CDH11: variants seen among roughly 807,000 people sequenced by gnomAD.
CDH11 encodes cadherin-11.
CDH11 carries 11 observed loss-of-function variants against 67.8 expected under a neutral mutation model. The observed-to-expected ratio is 0.16, with a 90% confidence interval of 0.10 to 0.27. The LOEUF (loss-of-function observed/expected upper bound fraction) is 0.27, where lower values mean the gene tolerates loss of function less well. Ranked by LOEUF, CDH11 falls within the 10% of genes least tolerant of loss-of-function variation. The pLI, the probability that CDH11 is intolerant of heterozygous loss-of-function variation, is 1.00. For synonymous variants in CDH11, 419 were observed against 400.0 expected (o/e 1.05, Z -0.57); for missense variants, 847 against 1,031.2 (o/e 0.82, Z 2.45).
chr16:65,120,837 C>T (rs531343344), intron 1 of CDH11, among the ~76,000 whole-genome samples: 8 of 152,286 alleles, frequency 5.3e-5, no homozygotes, highest in Non-Finnish European at 1.2e-4. Context: ...CGCAAGCCTC[C>T]CCCGACCCCA....
At chr16:65,025,575 TTG>T (rs2073517268) in intron 2 of CDH11, among the ~76,000 whole-genome samples, 1 of 152,170 alleles carries the variant, frequency 6.6e-6, no homozygotes, top group African/African-American at 2.4e-5. Context: ...ACTCCTGATC[TTG>T]TGATCTACCC....
intron 1 of CDH11, among the ~76,000 whole-genome samples, chr16:65,097,227 G>T (rs1420575038): frequency 6.6e-6 from 1 of 152,156 alleles, no homozygotes; most frequent in Non-Finnish European, 1.5e-5. Context: ...TATACGTGTT[G>T]TAAAGAACAA....
At chr16:65,009,001 G>A (rs1235822598) in intron 2 of CDH11, among the ~76,000 whole-genome samples, 1 of 152,090 alleles carries the variant, frequency 6.6e-6, no homozygotes, top group East Asian at 1.9e-4. Flanking sequence ...TTACAGGCAA[G>A]TAGTCTGAGG....
At chr16:65,064,878 A>G (rs1221198573) in intron 1 of CDH11, among the ~76,000 whole-genome samples, 3 of 152,232 alleles carry the variant, frequency 2.0e-5, no homozygotes, top group African/African-American at 7.2e-5. Context: ...CAAAACCTGA[A>G]TGACTGAGAG....
chr16:65,065,901 A>G (rs896232706), intron 1 of CDH11, among the ~76,000 whole-genome samples: 6 of 152,240 alleles, frequency 3.9e-5, no homozygotes, highest in Non-Finnish European at 8.8e-5. Context: ...ATACTGTGCT[A>G]AAGTGGATTG....
At chr16:64,966,426 A>C (rs2142411570) in intron 11 of CDH11, among the ~76,000 whole-genome samples, 1 of 120,928 alleles carries the variant, frequency 8.3e-6, no homozygotes, top group East Asian at 3.1e-4. Context: ...GTAAAATAGT[A>C]ATAAAATAAA....
chr16:65,121,733 T>C lies in CDH11; in HGVS notation c.-298+147A>G. ...AACAAATCTCTCCCTCCCTTTTGCT[T>C]TGCGTTAGTGAAGCCTTCTCGACTC... On this transcript the variant is annotated intron_variant, in intron 1 of 12. Coordinates refer to ENST00000268603, the MANE Select transcript of CDH11 (RefSeq NM_001797.4). This position sits in a 1 kb window ranked among gnomAD's most constrained non-coding sequence, Gnocchi z 4.1. 1 of 673,914 alleles carries C rather than the reference T, an allele frequency of 1.5e-6. No homozygotes were observed. The highest frequency in any genetic ancestry group is 2.7e-6 in the Non-Finnish European group (1 of 373,568). The allele number at this position is 673,914 out of a possible 1,614,324, so 41.7% of individuals were successfully genotyped here.
intron 2 of CDH11, among the ~76,000 whole-genome samples, chr16:65,022,509 T>C (rs545108720): frequency 1.6e-4 from 24 of 152,304 alleles, no homozygotes; most frequent in Admixed American, 1.1e-3. Flanking sequence ...CTCCACTAAA[T>C]AGAAGTTTTT....
intron 11 of CDH11, among the ~76,000 whole-genome samples, chr16:64,961,078 G>A (rs958090495): frequency 1.3e-5 from 2 of 152,064 alleles, no homozygotes; most frequent in Admixed American, 1.3e-4. Context: ...CTTTTAGGAC[G>A]CTTCCTGGCA....
upstream of CDH11, chr16:65,122,422 G>A (rs2142908734): frequency 5.4e-6 from 1 of 183,554 alleles, no homozygotes; most frequent in South Asian, 9.7e-5. Context: ...GGCGGCGGAG[G>A]GAAGCTGGAG....
At chr16:65,099,548 G>A (rs2074955394) in intron 1 of CDH11, among the ~76,000 whole-genome samples, 1 of 152,096 alleles carries the variant, frequency 6.6e-6, no homozygotes, top group Non-Finnish European at 1.5e-5. Context: ...ATGATCTTAA[G>A]ACACAAAAGC....
At chr16:65,042,883 T>C (rs2073890164) in intron 2 of CDH11, among the ~76,000 whole-genome samples, 1 of 152,190 alleles carries the variant, frequency 6.6e-6, no homozygotes, top group Admixed American at 6.5e-5. Flanking sequence ...AAGTTCCTTG[T>C]AGCCCCAACT....
intron 1 of CDH11, among the ~76,000 whole-genome samples, chr16:65,084,645 G>A (rs2074666810): frequency 6.6e-6 from 1 of 152,168 alleles, no homozygotes; most frequent in Admixed American, 6.5e-5. Context: ...AGTATCTGAC[G>A]AGGTTTAAGA....
chr16:65,091,705 C>T (rs916874765), intron 1 of CDH11, among the ~76,000 whole-genome samples: 4 of 152,028 alleles, frequency 2.6e-5, no homozygotes, highest in African/African-American at 9.7e-5. Flanking sequence ...GCGCCCACCA[C>T]CACGCCCGGC....
intron 12 of CDH11, chr16:64,948,497 T>A: frequency 1.1e-6 from 1 of 913,164 alleles, no homozygotes; most frequent in East Asian, 2.4e-5. Context: ...GGTTTAAAAA[T>A]GAGGACATGC....
intron 2 of CDH11, among the ~76,000 whole-genome samples, chr16:65,047,725 TAA>T (rs1036721361): frequency 7.9e-5 from 12 of 152,186 alleles, no homozygotes; most frequent in African/African-American, 2.7e-4. Context: ...TAAGGATACA[TAA>T]AAATAAAAAC....
At position 65,121,374 on chromosome 16, in the gene CDH11, A is replaced by G. The variant is rs1185316831; in HGVS notation, c.-298+506T>C. ...CCGGCAGTCTCGACTGCAGGGACTA[A>G]GCCCCGGGGAGCTTTCGGCAGGGAT... On this transcript the variant is annotated intron_variant, in intron 1 of 12. Transcript: ENST00000268603. This position sits in a 1 kb window ranked among gnomAD's most constrained non-coding sequence, Gnocchi z 4.1. Among the ~76,000 whole-genome samples, 3 of 151,988 alleles carry G rather than the reference A, an allele frequency of 2.0e-5. No individual in the cohort carries two copies. Among genetic ancestry groups the G allele is most frequent in the Non-Finnish European group, 4.4e-5 (3 of 67,984 alleles).
At chr16:64,948,831 C>A in intron 12 of CDH11, 1 of 1,319,832 alleles carries the variant, frequency 7.6e-7, no homozygotes, top group Non-Finnish European at 1.0e-6. Context: ...AGTTCAGGCA[C>A]AGTTTAATTC....
At chr16:64,980,629 G>A (rs949712833) in intron 8 of CDH11, among the ~76,000 whole-genome samples, 2 of 152,152 alleles carry the variant, frequency 1.3e-5, no homozygotes, top group African/African-American at 4.8e-5. Flanking sequence ...GGAGGTAGAG[G>A]GGTGCAAAGA....
Sources: gnomAD v4.1 joint callset for allele counts (sites outside exome capture counted in the v4.1 genomes callset) on GRCh38, gnomAD v4.1.1 for gene constraint, Gnocchi (gnomAD v3.1) non-coding constraint, MANE v1.5 for transcripts, NCBI Gene and HGNC (gene_info 2026-07-23, HGNC 2026-07-21) for gene names.